ASIC2: variants seen among roughly 807,000 people sequenced by gnomAD.
ASIC2 encodes acid sensing ion channel subunit 2.
Under a neutral mutation model 57.3 loss-of-function variants are expected in ASIC2, and 25 were observed. That is an observed-to-expected ratio of 0.44 (90% confidence interval 0.32 to 0.61). The LOEUF (loss-of-function observed/expected upper bound fraction) is 0.61, where lower values mean the gene tolerates loss of function less well. Ranked by LOEUF, ASIC2 falls within the 20% of genes least tolerant of loss-of-function variation. The pLI is 0.06. For missense variants in ASIC2, 641 were observed against 738.1 expected (o/e 0.87, Z 1.52); for synonymous variants, 319 against 307.5 (o/e 1.04, Z -0.39).
chr17:33,463,707 A>G (rs971583566), intron 1 of ASIC2, among the ~76,000 whole-genome samples: 3 of 152,170 alleles, frequency 2.0e-5, no homozygotes, highest in African/African-American at 7.2e-5. Flanking sequence ...CTGCCCTCCT[A>G]TGATTAGTGT....
chr17:33,306,846 C>T (rs1416433829), intron 1 of ASIC2, among the ~76,000 whole-genome samples: 2 of 152,160 alleles, frequency 1.3e-5, no homozygotes, highest in African/African-American at 4.8e-5. Context: ...CTGTGTCACA[C>T]AGTGTGTTAC....
chr17:33,983,952 G>A lies in ASIC2; in HGVS notation c.555+172026C>T, dbSNP rs73276686. 5.4e-3 allele frequency among the ~76,000 whole-genome samples: 826 copies of A among 152,336 alleles called. 7 individuals are homozygous for A. Among genetic ancestry groups the A allele is most frequent in the African/African-American group, 0.019 (789 of 41,572 alleles). Reference sequence around the variant, plus strand: ...CCAGGTTGAGAAGCCCTCTGTTTGTGCTGGCAAGCTTGGGCCCTGGCAGCA... The same window carrying A: ...CCAGGTTGAGAAGCCCTCTGTTTGTACTGGCAAGCTTGGGCCCTGGCAGCA... On this transcript the variant is annotated intron_variant, in intron 1 of 9. Coordinates refer to the ASIC2 transcript ENST00000359872.
rs1258997513 is a variant in ASIC2, at chr17:33,284,518, G to A, written c.708+6890C>T. ...TTCCTTCTCAGGGTTGCAGGTCTTGGAACCCAGGATGACTCTCCAAAGCCT... is the reference window on the plus strand; with the variant it reads ...TTCCTTCTCAGGGTTGCAGGTCTTGAAACCCAGGATGACTCTCCAAAGCCT... On this transcript the variant is annotated intron_variant, in intron 1 of 9. Transcript: ENST00000225823. 1.2e-4 allele frequency among the ~76,000 whole-genome samples: 19 copies of A among 152,084 alleles called. 1 individual carries two copies. Among genetic ancestry groups the A allele is most frequent in the Admixed American group, 1.2e-3 (19 of 15,276 alleles).
At chr17:33,802,034 T>A (rs1912146777) in intron 1 of ASIC2, among the ~76,000 whole-genome samples, 1 of 152,180 alleles carries the variant, frequency 6.6e-6, no homozygotes, top group South Asian at 2.1e-4. Context: ...GGGAAAGACA[T>A]GGAGAGAAGG....
At position 33,140,702 on chromosome 17, in the gene ASIC2, T is replaced by C. The variant is rs568789327; in HGVS notation, c.709-28635A>G. ...GATTTGGGAAGCCTGGCAGCAAGTG[T>C]AAGACTTTTGCTGAATTCCCCAGAG... On this transcript the variant is annotated intron_variant, in intron 1 of 9. Coordinates refer to ENST00000225823, the MANE Select transcript of ASIC2 (RefSeq NM_183377.2). Among the ~76,000 whole-genome samples the C allele has an allele frequency of 1.2e-4, 19 of 152,368 alleles. 1 individual carries two copies. Among genetic ancestry groups the C allele is most frequent in the Admixed American group, 1.2e-3 (18 of 15,310 alleles).
chr17:33,228,718 G>A (rs922974370), intron 1 of ASIC2, among the ~76,000 whole-genome samples: 13 of 152,208 alleles, frequency 8.5e-5, no homozygotes, highest in Admixed American at 7.9e-4. Flanking sequence ...TGTTGACATC[G>A]GCCTCCTGCC....
chr17:33,068,271 C>T (rs1798013319), intron 3 of ASIC2, among the ~76,000 whole-genome samples: 2 of 152,166 alleles, frequency 1.3e-5, no homozygotes, highest in African/African-American at 2.4e-5. Flanking sequence ...TGGTTGGTCA[C>T]TGTAGAGGCA....
At chr17:33,812,977 C>T (rs937814857) in intron 1 of ASIC2, among the ~76,000 whole-genome samples, 1 of 152,108 alleles carries the variant, frequency 6.6e-6, no homozygotes, top group African/African-American at 2.4e-5. Context: ...TGTTCCCTGT[C>T]CATTTTTTGG....
At chr17:33,828,673 AG>A (rs1430521161) in intron 1 of ASIC2, among the ~76,000 whole-genome samples, 1 of 152,246 alleles carries the variant, frequency 6.6e-6, no homozygotes, top group East Asian at 1.9e-4. Flanking sequence ...TGGAAAAAAG[AG>A]GGTGAAACGT....
At chr17:33,706,479 C>T (rs1307043813) in intron 1 of ASIC2, among the ~76,000 whole-genome samples, 1 of 152,008 alleles carries the variant, frequency 6.6e-6, no homozygotes, top group East Asian at 1.9e-4. Flanking sequence ...CCACCTTCAC[C>T]TCCCAAAGTG....
chr17:33,047,003 G>T (rs763502715), intron 3 of ASIC2, among the ~76,000 whole-genome samples: 4 of 152,238 alleles, frequency 2.6e-5, no homozygotes, highest in South Asian at 2.1e-4. Context: ...TCGTGATGCC[G>T]CATGATTAAG....
chr17:33,363,307 T>C (rs919720633), intron 1 of ASIC2, among the ~76,000 whole-genome samples: 11 of 152,158 alleles, frequency 7.2e-5, no homozygotes, highest in African/African-American at 2.7e-4. Context: ...ATTAGCTCCA[T>C]TTTACACTTT....
chr17:33,457,879 G>A (rs1196652517), intron 1 of ASIC2, among the ~76,000 whole-genome samples: 1 of 152,230 alleles, frequency 6.6e-6, no homozygotes, highest in African/African-American at 2.4e-5. Flanking sequence ...CCTGGCAGCA[G>A]AGTTAGATCT....
At chr17:33,677,950 G>A (rs1243990289) in intron 1 of ASIC2, among the ~76,000 whole-genome samples, 1 of 152,196 alleles carries the variant, frequency 6.6e-6, no homozygotes, top group Non-Finnish European at 1.5e-5. Flanking sequence ...TAAACTGTGG[G>A]TAAAATGCTA....
intron 1 of ASIC2, chr17:34,001,350 G>A (rs1047215463): frequency 6.5e-6 from 1 of 152,688 alleles, no homozygotes; most frequent in African/African-American, 2.4e-5. Flanking sequence ...CCACTGGTGT[G>A]GGCCTGGAGT....
At chr17:33,304,074 A>G (rs1906070837) in intron 1 of ASIC2, among the ~76,000 whole-genome samples, 1 of 152,254 alleles carries the variant, frequency 6.6e-6, no homozygotes, top group Admixed American at 6.5e-5. Context: ...ATTGAAAACA[A>G]AACATTTCAC....
chr17:33,047,007 G>A (rs1490109441), intron 3 of ASIC2, among the ~76,000 whole-genome samples: 1 of 152,248 alleles, frequency 6.6e-6, no homozygotes, highest in Non-Finnish European at 1.5e-5. Flanking sequence ...GATGCCGCAT[G>A]ATTAAGGCTC....
chr17:34,120,441 T>G (rs1161024388), intron 1 of ASIC2, among the ~76,000 whole-genome samples: 2 of 151,974 alleles, frequency 1.3e-5, no homozygotes, highest in Admixed American at 1.3e-4. Flanking sequence ...GATATTAGAC[T>G]TAGAGTTGAT....
At position 33,441,693 on chromosome 17, in the gene ASIC2, A is replaced by G. The variant is rs530780296; in HGVS notation, c.556-329626T>C. ...CTACCTGGAAGAAAGGATGTTTGTT[A>G]TCTCTGAAGACACAGAGAAGAATCT... On this transcript the variant is annotated intron_variant, in intron 1 of 9. Coordinates refer to the ASIC2 transcript ENST00000359872. 6.6e-5 allele frequency among the ~76,000 whole-genome samples: 10 copies of G among 152,280 alleles called. No individual in the cohort carries two copies. The South Asian group carries it at 2.1e-3, about 32-fold the overall frequency.
Sources: gnomAD v4.1 joint callset for allele counts (sites outside exome capture counted in the v4.1 genomes callset) on GRCh38, gnomAD v4.1.1 for gene constraint, MANE v1.5 for transcripts, NCBI Gene and HGNC (gene_info 2026-07-23, HGNC 2026-07-21) for gene names.